The following PPP3CA variants were observed in gnomAD, a reference collection of about 807,000 sequenced individuals.
PPP3CA encodes CAM-PRP catalytic subunit.
Under a neutral mutation model 66.5 loss-of-function variants are expected in PPP3CA, and 14 were observed. The ratio of observed to expected loss-of-function variants is 0.21; its 90% CI spans 0.14 to 0.33. The LOEUF (loss-of-function observed/expected upper bound fraction) is 0.33, where lower values mean the gene tolerates loss of function less well. Among genes scored for constraint, PPP3CA ranks in the 10% least tolerant of loss-of-function variants. The pLI, the probability that PPP3CA is intolerant of heterozygous loss-of-function variation, is 1.00. For synonymous variants in PPP3CA, 232 were observed against 226.2 expected, an observed-to-expected ratio of 1.03 and a Z score of -0.23; for missense variants, 317 against 639.5, an observed-to-expected ratio of 0.50 and a Z score of 5.44.
intron 10 of PPP3CA, among the ~76,000 whole-genome samples, chr4:101,060,697 T>C (rs1046237250): frequency 4.6e-5 from 7 of 152,140 alleles, no homozygotes; most frequent in African/African-American, 1.2e-4. Flanking sequence ...ACTTGAATAA[T>C]TGATGTGAGC....
chr4:101,258,501 A>T (rs1223217349), intron 1 of PPP3CA, among the ~76,000 whole-genome samples: 1 of 152,162 alleles, frequency 6.6e-6, no homozygotes, highest in Admixed American at 6.6e-5. Context: ...GGAAACAGTA[A>T]ATACTATCTA....
chr4:101,327,496 A>G (rs2110329282), intron 1 of PPP3CA, among the ~76,000 whole-genome samples: 1 of 148,624 alleles, frequency 6.7e-6, no homozygotes, highest in African/African-American at 2.4e-5. Context: ...TTGTGGGAGA[A>G]AAAAAAAAAA....
chr4:101,273,153 T>C (rs1390191547), intron 1 of PPP3CA, among the ~76,000 whole-genome samples: 6 of 152,210 alleles, frequency 3.9e-5, no homozygotes, highest in African/African-American at 1.4e-4. Context: ...GTTTTGAGAA[T>C]ACAAACTGGT....
intron 2 of PPP3CA, among the ~76,000 whole-genome samples, chr4:101,195,123 T>C (rs1360224254): frequency 6.6e-6 from 1 of 151,438 alleles, no homozygotes; most frequent in Admixed American, 6.6e-5. Flanking sequence ...AATAGAAAAA[T>C]TAGCCAGGCA....
chr4:101,290,526 C>T (rs1476699578), intron 1 of PPP3CA, among the ~76,000 whole-genome samples: 1 of 152,078 alleles, frequency 6.6e-6, no homozygotes, highest in Non-Finnish European at 1.5e-5. Flanking sequence ...AATCTTGTTT[C>T]TTTTTCATTC....
chr4:101,329,447 A>G (rs1486883942), intron 1 of PPP3CA, among the ~76,000 whole-genome samples: 1 of 152,202 alleles, frequency 6.6e-6, no homozygotes, highest in Non-Finnish European at 1.5e-5. Flanking sequence ...TGAAGCAGCA[A>G]ATTTTAATGT....
At chr4:101,153,521 C>A (rs1246744755) in intron 2 of PPP3CA, among the ~76,000 whole-genome samples, 3 of 152,116 alleles carry the variant, frequency 2.0e-5, no homozygotes, top group African/African-American at 4.8e-5. Flanking sequence ...ATTGTCATCA[C>A]CTCACATTTG....
chr4:101,188,530 T>G (rs1240834325), intron 2 of PPP3CA, among the ~76,000 whole-genome samples: 1 of 152,190 alleles, frequency 6.6e-6, no homozygotes, highest in Admixed American at 6.5e-5. Flanking sequence ...TATTTTCATA[T>G]GATGAACGCG....
intron 1 of PPP3CA, among the ~76,000 whole-genome samples, chr4:101,288,895 G>T (rs1320747294): frequency 6.6e-6 from 1 of 151,922 alleles, no homozygotes; most frequent in Non-Finnish European, 1.5e-5. Context: ...GAAGTGCCTT[G>T]AGTCTCTTCA....
intron 2 of PPP3CA, among the ~76,000 whole-genome samples, chr4:101,132,019 A>G (rs996223066): frequency 6.6e-6 from 1 of 152,206 alleles, no homozygotes; most frequent in African/African-American, 2.4e-5. Flanking sequence ...TAAATAACCA[A>G]ATGAAGGCAG....
At chr4:101,124,804 A>G (rs914667340) in intron 2 of PPP3CA, among the ~76,000 whole-genome samples, 1 of 150,356 alleles carries the variant, frequency 6.7e-6, no homozygotes, top group Admixed American at 6.6e-5. Flanking sequence ...AGAAAGAGAA[A>G]ACTGTATTGG....
chr4:101,279,111 T>A (rs1727601922), intron 1 of PPP3CA, among the ~76,000 whole-genome samples: 1 of 152,134 alleles, frequency 6.6e-6, no homozygotes, highest in Admixed American at 6.5e-5. Context: ...TAGGACAATG[T>A]TCTAAAGTCA....
intron 2 of PPP3CA, among the ~76,000 whole-genome samples, chr4:101,139,690 T>C (rs78527626): frequency 0.041 from 5,802 of 142,150 alleles, 191 homozygotes; most frequent in Middle Eastern, 0.11. Flanking sequence ...TGAGGGTTTT[T>C]TTTGTGTTTT....
At chr4:101,158,735 A>G (rs566864717) in intron 2 of PPP3CA, among the ~76,000 whole-genome samples, 4 of 152,222 alleles carry the variant, frequency 2.6e-5, no homozygotes, top group Admixed American at 6.6e-5. Context: ...TTCAATACCC[A>G]AATTAGTGAA....
intron 1 of PPP3CA, among the ~76,000 whole-genome samples, chr4:101,204,902 T>C (rs1304308297): frequency 6.6e-6 from 1 of 151,028 alleles, no homozygotes; most frequent in Non-Finnish European, 1.5e-5. Context: ...TCTACAATGT[T>C]TTTTAAATTT....
intron 1 of PPP3CA, among the ~76,000 whole-genome samples, chr4:101,247,939 T>TAC (rs962587146): frequency 9.9e-5 from 15 of 151,956 alleles, no homozygotes; most frequent in Non-Finnish European, 1.6e-4. Flanking sequence ...TATGTGTGTA[T>TAC]ACACACACAC....
intron 2 of PPP3CA, among the ~76,000 whole-genome samples, chr4:101,111,635 C>T (rs540497796): frequency 1.3e-5 from 2 of 152,128 alleles, no homozygotes; most frequent in East Asian, 3.9e-4. Flanking sequence ...TCTGGATCCA[C>T]ACTACCGAGG....
rs570821771 is a variant in PPP3CA at position 101,143,598 on chromosome 4, G to T, written c.260-34520C>A. On this transcript the variant is annotated intron_variant, in intron 2 of 13. Coordinates refer to ENST00000394854, the MANE Select transcript of PPP3CA (RefSeq NM_000944.5). ...TACTTCCTAACTGTCAAACCCAGCAGGTATTCTTGAGTCCACCTCTCCTCA... is the reference window on the plus strand; with the variant it reads ...TACTTCCTAACTGTCAAACCCAGCATGTATTCTTGAGTCCACCTCTCCTCA... 7.2e-5 allele frequency among the ~76,000 whole-genome samples: 11 copies of T among 152,200 alleles called. No individual in the cohort carries two copies. The East Asian group carries it at 2.1e-3, about 29-fold the overall frequency.
intron 1 of PPP3CA, among the ~76,000 whole-genome samples, chr4:101,273,613 C>G (rs1347649835): frequency 6.6e-6 from 1 of 152,218 alleles, no homozygotes; most frequent in Non-Finnish European, 1.5e-5. Flanking sequence ...GCGTGAGCCA[C>G]CACACCTGGC....
Sources: gnomAD v4.1 joint callset for allele counts (sites outside exome capture counted in the v4.1 genomes callset) on GRCh38, gnomAD v4.1.1 for gene constraint, MANE v1.5 for transcripts, NCBI Gene and HGNC (gene_info 2026-07-23, HGNC 2026-07-21) for gene names.